Variants in COL11A1 observed in about 807,000 individuals in gnomAD.
The protein encoded by COL11A1 is collagen alpha-1(XI) chain.
In COL11A1, 74 loss-of-function variants were observed where a neutral mutation model predicts 265.2. The observed-to-expected ratio is 0.28, with a 90% CI of 0.23 to 0.34. The LOEUF (loss-of-function observed/expected upper bound fraction) is 0.34, where lower values mean the gene tolerates loss of function less well. COL11A1 is among the 10% of genes least tolerant of loss of function. COL11A1 has a pLI of 1.00. For missense variants in COL11A1, 2,165 were observed against 2,263.6 expected, an observed-to-expected ratio of 0.96 and a Z score of 0.88; for synonymous variants, 816 against 727.6, an observed-to-expected ratio of 1.12 and a Z score of -1.96.
At chr1:103,054,267 A>G (rs1368368757) in intron 4 of COL11A1, among the ~76,000 whole-genome samples, 1 of 152,246 alleles carries the variant, frequency 6.6e-6, no homozygotes, top group Non-Finnish European at 1.5e-5. Flanking sequence ...TTAAAAAGCC[A>G]CAGCTACATT....
At chr1:103,054,324 T>C (rs1426983073) in intron 4 of COL11A1, among the ~76,000 whole-genome samples, 1 of 152,198 alleles carries the variant, frequency 6.6e-6, no homozygotes, top group Middle Eastern at 3.2e-3. Flanking sequence ...GAATTAAACT[T>C]AACACCCATA....
At chr1:102,985,665 A>T (rs1570946500) in intron 30 of COL11A1, among the ~76,000 whole-genome samples, 1 of 152,172 alleles carries the variant, frequency 6.6e-6, no homozygotes, top group East Asian at 1.9e-4. Context: ...ACTTCAATAA[A>T]CTAACATATA....
intron 58 of COL11A1, among the ~76,000 whole-genome samples, 156 bp from the exon 59 acceptor site, chr1:102,889,718 A>C (rs1651505299): frequency 6.6e-6 from 1 of 152,170 alleles, no homozygotes; most frequent in South Asian, 2.1e-4. Flanking sequence ...ATATACAGTT[A>C]AGAATCTCCT....
At chr1:103,031,426 C>T (rs75790800) in intron 4 of COL11A1, among the ~76,000 whole-genome samples, 182 bp from the exon 5 acceptor site, 9 of 152,114 alleles carry the variant, frequency 5.9e-5, no homozygotes, top group East Asian at 3.9e-4. Context: ...TTTTACAAAT[C>T]GGCTGTAAAT....
intron 12 of COL11A1, among the ~76,000 whole-genome samples, chr1:103,014,803 T>C (rs1451613224): frequency 1.3e-5 from 2 of 152,126 alleles, no homozygotes; most frequent in Non-Finnish European, 2.9e-5. Context: ...AGGTTACCAT[T>C]TGTAGAAGAA....
chr1:103,041,129 C>T (rs949149034), intron 4 of COL11A1, among the ~76,000 whole-genome samples: 1 of 151,928 alleles, frequency 6.6e-6, no homozygotes, highest in South Asian at 2.1e-4. Flanking sequence ...TTAGGTAGTA[C>T]TTTCACTGCC....
chr1:103,019,005 C>T (rs2101920958), intron 9 of COL11A1, 146 bp from the exon 10 acceptor site: 1 of 642,308 alleles, frequency 1.6e-6, no homozygotes, highest in Non-Finnish European at 2.7e-6. Flanking sequence ...AATGTTTTTG[C>T]ACAGGGAAGG....
intron 37 of COL11A1, among the ~76,000 whole-genome samples, chr1:102,969,823 A>G (rs1207761771): frequency 6.6e-6 from 1 of 152,196 alleles, no homozygotes; most frequent in African/African-American, 2.4e-5. Flanking sequence ...TATTATGATC[A>G]TGGCTATTCG....
At chr1:102,903,561 T>G (rs1653504250) in intron 54 of COL11A1, among the ~76,000 whole-genome samples, 1 of 152,180 alleles carries the variant, frequency 6.6e-6, no homozygotes, top group Non-Finnish European at 1.5e-5. Context: ...CTAGATGGAC[T>G]AAAGGGAAAC....
chr1:102,990,765 G>T (rs1364113607), intron 28 of COL11A1, among the ~76,000 whole-genome samples: 4 of 152,136 alleles, frequency 2.6e-5, no homozygotes, highest in African/African-American at 7.2e-5. Flanking sequence ...AGGCACAGTG[G>T]CTCATGCCTG....
chr1:102,976,553 C>T lies in COL11A1; in HGVS notation c.2755-1670G>A, dbSNP rs1280026499. Among the ~76,000 whole-genome samples the T allele has an allele frequency of 5.9e-5, 9 of 151,950 alleles. No individual in the cohort carries two copies. The South Asian group carries it at 1.2e-3, about 21-fold the overall frequency. On this transcript the variant is annotated intron_variant, in intron 35 of 66. Coordinates refer to ENST00000370096, the MANE Select transcript of COL11A1 (RefSeq NM_001854.4). ...ACCTCAGGTAATCTGCCCACCTCTG[C>T]CTCCCAAAGTGCTGGGATTACAGGT...
chr1:102,922,744 G>T (rs899844282), intron 47 of COL11A1, among the ~76,000 whole-genome samples: 4 of 152,120 alleles, frequency 2.6e-5, no homozygotes, highest in African/African-American at 9.7e-5. Flanking sequence ...TATTAATGAT[G>T]ATATGGATCA....
intron 18 of COL11A1, 101 bp downstream of exon 18, chr1:103,005,737 G>T: frequency 1.4e-6 from 2 of 1,400,532 alleles, no homozygotes; most frequent in Non-Finnish European, 2.0e-6. Flanking sequence ...ATTCACAAAC[G>T]TTAAAATTAA....
intron 33 of COL11A1, 42 bp from the exon 34 acceptor site, chr1:102,978,955 C>A: frequency 6.2e-7 from 1 of 1,612,840 alleles, no homozygotes; most frequent in Non-Finnish European, 8.5e-7. Flanking sequence ...TAATGCCAGA[C>A]AAATCCAAAG....
intron 4 of COL11A1, among the ~76,000 whole-genome samples, chr1:103,044,491 A>C (rs982293800): frequency 6.6e-5 from 10 of 152,224 alleles, no homozygotes; most frequent in African/African-American, 2.4e-4. Flanking sequence ...AAATGCCAAA[A>C]GTTGGATAAA....
chr1:103,072,742 A>G (rs1412860414), intron 4 of COL11A1, among the ~76,000 whole-genome samples: 1 of 151,706 alleles, frequency 6.6e-6, no homozygotes, highest in Non-Finnish European at 1.5e-5. Context: ...AAGAGACCAA[A>G]TTGTTTTTGA....
intron 66 of COL11A1, 73 bp from the exon 67 acceptor site, chr1:102,878,238 G>T: frequency 7.3e-7 from 1 of 1,362,374 alleles, no homozygotes; most frequent in Non-Finnish European, 1.0e-6. Context: ...TTTTTCTTGG[G>T]CTTCTGAGTG....
chr1:103,062,150 T>C (rs934975426), intron 4 of COL11A1, among the ~76,000 whole-genome samples: 1 of 151,840 alleles, frequency 6.6e-6, no homozygotes, highest in Non-Finnish European at 1.5e-5. Context: ...AATTAGAAAA[T>C]CTGAAAAGGT....
intron 4 of COL11A1, among the ~76,000 whole-genome samples, chr1:103,048,540 A>G (rs993168016): frequency 4.6e-5 from 7 of 152,034 alleles, no homozygotes; most frequent in African/African-American, 1.7e-4. Flanking sequence ...TGATCTTTTC[A>G]GAAAACCAGC....
Sources: gnomAD v4.1 joint callset for allele counts (sites outside exome capture counted in the v4.1 genomes callset) on GRCh38, gnomAD v4.1.1 for gene constraint, MANE v1.5 for transcripts, NCBI Gene and HGNC (gene_info 2026-07-23, HGNC 2026-07-21) for gene names.